Variants in ETFBKMT observed in about 807,000 individuals in gnomAD.
The protein encoded by ETFBKMT is electron transfer flavoprotein subunit beta lysine methyltransferase, also known as electron transfer flavoprotein beta subunit lysine methyltransferase.
Under a neutral mutation model 18.3 loss-of-function variants are expected in ETFBKMT, and 13 were observed. The observed-to-expected ratio is 0.71, with a 90% CI of 0.46 to 1.13. The LOEUF is 1.13. Among genes scored for constraint, ETFBKMT ranks in the 50% most tolerant of loss-of-function variants. The pLI is 0.00. For missense variants in ETFBKMT, 293 were observed against 306.2 expected (o/e 0.96, Z 0.32); for synonymous variants, 84 against 107.9 (o/e 0.78, Z 1.37).
At chr12:31,659,075 G>C (rs1951087433), upstream of ETFBKMT, 1 of 152,178 alleles carries the variant, frequency 6.6e-6, no homozygotes. Flanking sequence ...ATTGCACACA[G>C]ATTTAACGTT....
intron 2 of ETFBKMT, among the ~76,000 whole-genome samples, chr12:31,662,510 T>TC (rs1441382220): frequency 6.7e-6 from 1 of 149,802 alleles, no homozygotes; most frequent in Admixed American, 6.6e-5. Context: ...TCTTTCTTTT[T>TC]TTTTTTTTTT....
At chr12:31,656,209 G>A (rs1029065270), upstream of ETFBKMT, among the ~76,000 whole-genome samples, 4 of 152,126 alleles carry the variant, frequency 2.6e-5, no homozygotes, top group African/African-American at 4.8e-5. Context: ...GAAGATTAGC[G>A]TGTAGGCTGG....
At position 31,668,434 on chromosome 12, in the gene ETFBKMT, C is replaced by A. The variant is rs2086777; in HGVS notation, c.*444C>A. On this transcript the variant is annotated 3_prime_UTR_variant, in exon 4 of 4. Coordinates refer to ENST00000357721, the MANE Select transcript of ETFBKMT (RefSeq NM_001135863.2). Reference sequence around the variant, plus strand: ...GAGACAGTCTCACTTTGCTCCCAGGCTGGAATGCAGTGGCTATTCAGAGGC... The same window carrying A: ...GAGACAGTCTCACTTTGCTCCCAGGATGGAATGCAGTGGCTATTCAGAGGC... 19,545 of 150,990 alleles carry A rather than the reference C, an allele frequency of 0.13. 1,656 individuals are homozygous for A. Among genetic ancestry groups the A allele is most frequent in the East Asian group, 0.38 (1,985 of 5,166 alleles). 9.4% of individuals were successfully genotyped at this position (150,990 alleles called of 1,614,324 possible).
chr12:31,650,872 G>A (rs1443283012), intron 1 of ETFBKMT, among the ~76,000 whole-genome samples: 1 of 152,130 alleles, frequency 6.6e-6, no homozygotes, highest in Admixed American at 6.5e-5. Flanking sequence ...CTGCGGCCAA[G>A]GAAGCTGAGA....
chr12:31,662,556 C>T (rs186679310), intron 2 of ETFBKMT, among the ~76,000 whole-genome samples: 19 of 142,672 alleles, frequency 1.3e-4, no homozygotes, highest in Admixed American at 5.2e-4. Context: ...GTTGTCCAGG[C>T]TGGTCTTAAA....
At chr12:31,650,394 A>G (rs1009405546) in intron 1 of ETFBKMT, among the ~76,000 whole-genome samples, 3 of 152,160 alleles carry the variant, frequency 2.0e-5, no homozygotes, top group Non-Finnish European at 4.4e-5. Flanking sequence ...TGTTTAGCAT[A>G]TATCATCAAG....
intron 1 of ETFBKMT, among the ~76,000 whole-genome samples, chr12:31,648,889 G>C (rs1950992073): frequency 6.6e-6 from 1 of 152,126 alleles, no homozygotes. Flanking sequence ...ATGTTGGTCA[G>C]GCTGGTCCTG....
chr12:31,647,935 A>G (rs1231719280), intron 1 of ETFBKMT, among the ~76,000 whole-genome samples: 1 of 152,202 alleles, frequency 6.6e-6, no homozygotes, highest in Non-Finnish European at 1.5e-5. Flanking sequence ...AAAATTGTGC[A>G]GTCACTTTGG....
chr12:31,672,353 T>C lies in ETFBKMT; in HGVS notation c.*4363T>C, dbSNP rs1324902232. ...CTTTAGTTTGTTTGGGCCTACTAAT[T>C]GCTCCAACACTTCTCGGGAATGATC... On this transcript the variant is annotated 3_prime_UTR_variant, in exon 4 of 4. Transcript: ENST00000357721. 2.5e-6 allele frequency: 4 copies of C among 1,577,452 alleles called. No individual in the cohort carries two copies. The Admixed American group carries it at 5.4e-5, about 21-fold the overall frequency.
At chr12:31,649,286 G>A (rs73301898) in intron 1 of ETFBKMT, among the ~76,000 whole-genome samples, 2,077 of 152,312 alleles carry the variant, frequency 0.014, 53 homozygotes, top group African/African-American at 0.047. Context: ...TGAATCTACG[G>A]ATGTGAAACC....
upstream of ETFBKMT, among the ~76,000 whole-genome samples, chr12:31,657,473 G>GA (rs944793191): frequency 2.6e-5 from 4 of 152,028 alleles, no homozygotes; most frequent in African/African-American, 9.7e-5. Context: ...CTAAGTTTCA[G>GA]AAAAAAATCA....
chr12:31,649,979 A>G (rs1425228247), intron 1 of ETFBKMT, among the ~76,000 whole-genome samples: 1 of 106,654 alleles, frequency 9.4e-6, no homozygotes, highest in Admixed American at 9.7e-5. Context: ...TTGGTCTCGA[A>G]CTCCTGGCCT....
chr12:31,658,157 GT>G (rs1476076216), upstream of ETFBKMT, among the ~76,000 whole-genome samples: 2 of 152,206 alleles, frequency 1.3e-5, no homozygotes, highest in African/African-American at 4.8e-5. Context: ...ACCGAAGCTG[GT>G]TAAAAACAAT....
rs71062448 is a variant in ETFBKMT, at chr12:31,651,307, C to CTT, written c.-114+4064_-114+4065dup. On this transcript the variant is annotated intron_variant, in intron 1 of 3. Coordinates refer to the ETFBKMT transcript ENST00000412352. Reference sequence around the variant, plus strand: ...AATTCCTTTGAGAAAGATGCCTTCCCTTTTTTTTTTTTTCTTTTTTGAGAC... The same window carrying CTT: ...AATTCCTTTGAGAAAGATGCCTTCCCTTTTTTTTTTTTTTTCTTTTTTGAGAC... 5.9e-3 allele frequency among the ~76,000 whole-genome samples: 848 copies of CTT among 144,562 alleles called. 5 individuals carry two copies. Among genetic ancestry groups the CTT allele is most frequent in the South Asian group, 0.015 (69 of 4,582 alleles). The allele number at this position is 144,562 out of a possible 152,430, so 94.8% of individuals were successfully genotyped here.
chr12:31,657,999 T>G (rs1951076639), upstream of ETFBKMT, among the ~76,000 whole-genome samples: 1 of 152,138 alleles, frequency 6.6e-6, no homozygotes. Context: ...GAATGAGTTA[T>G]CCAAACATTA....
Position 31,667,283 on chromosome 12 carries a change from C to G in ETFBKMT, c.446-364C>G, listed in dbSNP as rs1490905893. Among the ~76,000 whole-genome samples the G allele has an allele frequency of 1.3e-5, 2 of 152,256 alleles. 1 individual carries two copies. The highest frequency in any genetic ancestry group is 2.9e-5 in the Non-Finnish European group (2 of 68,044). Reference sequence around the variant, plus strand: ...GTACTGGGATTATAGGCGTGAGCCACTGCGCCCAGCCAAGGGGTCTCAGTT... The same window carrying G: ...GTACTGGGATTATAGGCGTGAGCCAGTGCGCCCAGCCAAGGGGTCTCAGTT... On this transcript the variant is annotated intron_variant, in intron 3 of 3. Coordinates refer to ENST00000357721, the MANE Select transcript of ETFBKMT (RefSeq NM_001135863.2).
Position 31,672,589 on chromosome 12 carries a change from C to T in ETFBKMT, c.*4599C>T. ...GTGTAGTGCACCTATCATGGTATTA[C>T]TTGTTTAAAAAAAAAAAACAGGCAT... On this transcript the variant is annotated 3_prime_UTR_variant, in exon 4 of 4. Transcript: ENST00000357721. The T allele has an allele frequency of 2.5e-6, 1 of 399,906 alleles. No homozygotes were observed. Among genetic ancestry groups the T allele is most frequent in the Non-Finnish European group, 4.5e-6 (1 of 222,504 alleles). The allele number at this position is 399,906 out of a possible 1,614,324, so 24.8% of individuals were successfully genotyped here. A position where few individuals can be genotyped will look rare whatever the true frequency, so the allele number is the denominator to read the frequency against.
chr12:31,663,334 G>T (rs918032792), intron 2 of ETFBKMT, among the ~76,000 whole-genome samples: 1 of 151,832 alleles, frequency 6.6e-6, no homozygotes, highest in African/African-American at 2.4e-5. Context: ...CTCGTGATCC[G>T]CCCTCCTCGG....
rs756636610 is a variant in ETFBKMT, at chr12:31,672,363, C to T, written c.*4373C>T. 6.4e-7 allele frequency: 1 copy of T among 1,573,160 alleles called. No homozygotes were observed. The highest frequency in any genetic ancestry group is 1.3e-5 in the African/African-American group (1 of 74,074). ...TTTGGGCCTACTAATTGCTCCAACA[C>T]TTCTCGGGAATGATCTATAAAAGAA... On this transcript the variant is annotated 3_prime_UTR_variant, in exon 4 of 4. Transcript: ENST00000357721.
Sources: gnomAD v4.1 joint callset for allele counts (sites outside exome capture counted in the v4.1 genomes callset) on GRCh38, gnomAD v4.1.1 for gene constraint, MANE v1.5 for transcripts, NCBI Gene and HGNC (gene_info 2026-07-23, HGNC 2026-07-21) for gene names.